Variants in ROBO1 observed in about 807,000 individuals in gnomAD.
ROBO1 encodes the protein roundabout homolog 1.
In ROBO1, 149 loss-of-function variants were observed where a neutral mutation model predicts 195.9. The ratio of observed to expected loss-of-function variants is 0.76; its 90% CI spans 0.67 to 0.87. The LOEUF is 0.87. Ranked by LOEUF, ROBO1 falls within the 40% of genes least tolerant of loss-of-function variation. The pLI is 0.00. For synonymous variants in ROBO1, 816 were observed against 733.2 expected, an observed-to-expected ratio of 1.11 and a Z score of -1.82; for missense variants, 1,933 against 2,068.3, an observed-to-expected ratio of 0.93 and a Z score of 1.27.
intron 2 of ROBO1, among the ~76,000 whole-genome samples, chr3:79,555,806 A>C (rs1213971605): frequency 6.6e-6 from 1 of 152,064 alleles, no homozygotes; most frequent in African/African-American, 2.4e-5. Flanking sequence ...TAAAATTACA[A>C]CTCTCAGCAA....
At chr3:78,751,362 T>C (rs1027164089) in intron 4 of ROBO1, among the ~76,000 whole-genome samples, 2 of 152,134 alleles carry the variant, frequency 1.3e-5, no homozygotes, top group Admixed American at 6.5e-5. Context: ...CTGATGCTAA[T>C]TGAACATTTA....
intron 3 of ROBO1, among the ~76,000 whole-genome samples, chr3:79,037,892 T>C (rs1327191040): frequency 6.6e-6 from 1 of 152,208 alleles, no homozygotes. Context: ...TGATGTCTTA[T>C]TCTCAAAGAG....
intron 2 of ROBO1, among the ~76,000 whole-genome samples, chr3:79,212,833 T>A (rs2081989455): frequency 6.8e-6 from 1 of 146,662 alleles, no homozygotes. Flanking sequence ...AAAAATAAAA[T>A]AAAATAAATA....
chr3:78,607,778 C>G (rs1191552481), intron 28 of ROBO1, among the ~76,000 whole-genome samples: 1 of 152,098 alleles, frequency 6.6e-6, no homozygotes, highest in African/African-American at 2.4e-5. Flanking sequence ...CTAATCTAGC[C>G]TAAATCTCTT....
intron 2 of ROBO1, among the ~76,000 whole-genome samples, chr3:79,501,859 G>GC (rs1159028010): frequency 5.3e-5 from 8 of 152,154 alleles, no homozygotes; most frequent in African/African-American, 1.9e-4. Flanking sequence ...GCCAGTATCA[G>GC]TTTTGACTGT....
intron 10 of ROBO1, among the ~76,000 whole-genome samples, chr3:78,681,754 T>C (rs1404543926): frequency 6.6e-6 from 1 of 151,966 alleles, no homozygotes; most frequent in Non-Finnish European, 1.5e-5. Flanking sequence ...ATACAAAAAT[T>C]AGTCGGGCGT....
chr3:79,623,583 A>G (rs892122802), intron 1 of ROBO1, among the ~76,000 whole-genome samples: 1 of 152,230 alleles, frequency 6.6e-6, no homozygotes, highest in Non-Finnish European at 1.5e-5. Context: ...ACCAACTGGA[A>G]GAAAGGATAT....
intron 2 of ROBO1, among the ~76,000 whole-genome samples, chr3:79,538,615 C>A (rs1941958863): frequency 6.6e-6 from 1 of 152,066 alleles, no homozygotes; most frequent in African/African-American, 2.4e-5. Context: ...AATAGCAAGG[C>A]CACCCATGGT....
At chr3:78,955,818 G>A (rs1354924140) in intron 3 of ROBO1, among the ~76,000 whole-genome samples, 1 of 151,964 alleles carries the variant, frequency 6.6e-6, no homozygotes, top group African/African-American at 2.4e-5. Flanking sequence ...CCTTTTAAAG[G>A]ATTACTGAGA....
At chr3:79,554,015 T>C (rs972879969) in intron 2 of ROBO1, among the ~76,000 whole-genome samples, 10 of 152,094 alleles carry the variant, frequency 6.6e-5, no homozygotes, top group Admixed American at 2.6e-4. Flanking sequence ...TTTAATGTCT[T>C]TCGGCATTTT....
intron 2 of ROBO1, among the ~76,000 whole-genome samples, chr3:79,189,499 A>G (rs910428877): frequency 1.3e-5 from 2 of 151,764 alleles, no homozygotes; most frequent in African/African-American, 4.8e-5. Context: ...ATCTGTGTGT[A>G]CATCTGTGTA....
intron 11 of ROBO1, 114 bp downstream of exon 11, chr3:78,669,982 C>T (rs1707968382): frequency 4.3e-6 from 3 of 690,430 alleles, no homozygotes; most frequent in Non-Finnish European, 7.1e-6. Flanking sequence ...AAATATATTA[C>T]TACTCTTCAT....
chr3:78,704,911 T>C (rs530618126), intron 8 of ROBO1, among the ~76,000 whole-genome samples: 2 of 152,334 alleles, frequency 1.3e-5, no homozygotes, highest in East Asian at 1.9e-4. Flanking sequence ...ATTTTCAAAG[T>C]TGCTAATTCA....
intron 28 of ROBO1, among the ~76,000 whole-genome samples, chr3:78,609,785 G>A (rs113335353): frequency 0.027 from 4,125 of 152,112 alleles, 82 homozygotes; most frequent in Middle Eastern, 0.078. Context: ...AAGATTCTTA[G>A]TATAACAGCA....
At chr3:79,715,304 G>GT (rs1229909947) in intron 1 of ROBO1, among the ~76,000 whole-genome samples, 1 of 152,084 alleles carries the variant, frequency 6.6e-6, no homozygotes, top group Non-Finnish European at 1.5e-5. Flanking sequence ...GCAGAGAAAT[G>GT]TTTTTGTGAA....
chr3:79,525,182 G>A (rs541393540), intron 2 of ROBO1, among the ~76,000 whole-genome samples: 7 of 151,222 alleles, frequency 4.6e-5, no homozygotes, highest in African/African-American at 1.7e-4. Context: ...TATAATAAAT[G>A]TAGAAATAGT....
chr3:79,171,289 G>A (rs1272830539), intron 2 of ROBO1, among the ~76,000 whole-genome samples: 1 of 150,468 alleles, frequency 6.6e-6, no homozygotes, highest in Non-Finnish European at 1.5e-5. Flanking sequence ...TATTGTTTTA[G>A]TATATTTTAT....
chr3:79,125,108 A>G (rs1412695971), intron 3 of ROBO1, among the ~76,000 whole-genome samples: 1 of 152,152 alleles, frequency 6.6e-6, no homozygotes, highest in African/African-American at 2.4e-5. Flanking sequence ...ACTTGCAGGT[A>G]GTGTTTTTTT....
At chr3:79,503,017 G>T (rs1222129494) in intron 2 of ROBO1, among the ~76,000 whole-genome samples, 1 of 152,146 alleles carries the variant, frequency 6.6e-6, no homozygotes, top group Admixed American at 6.5e-5. Context: ...ATAAAAGCAG[G>T]CTGCGTGAGC....
Sources: gnomAD v4.1 joint callset for allele counts (sites outside exome capture counted in the v4.1 genomes callset) on GRCh38, gnomAD v4.1.1 for gene constraint, MANE v1.5 for transcripts, NCBI Gene and HGNC (gene_info 2026-07-23, HGNC 2026-07-21) for gene names.